CBR4: variants seen among roughly 807,000 people sequenced by gnomAD.
The protein encoded by CBR4 is 3-oxoacyl-[acyl-carrier-protein] reductase.
Under a neutral mutation model 21.0 loss-of-function variants are expected in CBR4, and 22 were observed. The ratio of observed to expected loss-of-function variants is 1.05; its 90% CI spans 0.75 to 1.50. The LOEUF (loss-of-function observed/expected upper bound fraction) is 1.50, where lower values mean the gene tolerates loss of function less well. Among genes scored for constraint, CBR4 ranks in the 40% most tolerant of loss-of-function variants. The pLI, the probability that CBR4 is intolerant of heterozygous loss-of-function variation, is 0.00. For synonymous variants in CBR4, 100 were observed against 104.4 expected, an observed-to-expected ratio of 0.96 and a Z score of 0.26; for missense variants, 302 against 286.3, an observed-to-expected ratio of 1.05 and a Z score of -0.40.
At chr4:169,005,139 A>C (rs1183738588) in intron 3 of CBR4, 1 of 152,222 alleles carries the variant, frequency 6.6e-6, no homozygotes, top group Non-Finnish European at 1.5e-5. Context: ...CACAGAGAGA[A>C]CAGACATCAG....
At chr4:168,910,676 T>C (rs936584377) in intron 2 of CBR4, among the ~76,000 whole-genome samples, 3 of 152,316 alleles carry the variant, frequency 2.0e-5, no homozygotes, top group Admixed American at 6.5e-5. Context: ...GTATTAACTA[T>C]ATGGCCTTGT....
chr4:168,990,408 T>C (rs1413551749), intron 4 of CBR4, 80 bp from the exon 5 acceptor site: 1 of 1,271,198 alleles, frequency 7.9e-7, no homozygotes, highest in Non-Finnish European at 1.0e-6. Context: ...AATAAATTTG[T>C]TTCTGAAAAT....
At chr4:168,898,657 C>A (rs925960395) in intron 2 of CBR4, 1 of 1,613,962 alleles carries the variant, frequency 6.2e-7, no homozygotes, top group Non-Finnish European at 8.5e-7. Flanking sequence ...ATTACAAGAT[C>A]TTTGAGGGAA....
At chr4:168,918,325 G>GAT (rs71588177) in intron 2 of CBR4, among the ~76,000 whole-genome samples, 23,202 of 149,462 alleles carry the variant, frequency 0.16, 1,887 homozygotes, top group Middle Eastern at 0.25. Context: ...GAAAATATGA[G>GAT]ATATATATAT....
downstream of CBR4, among the ~76,000 whole-genome samples, chr4:168,986,331 T>G (rs1764691231): frequency 6.6e-6 from 1 of 152,192 alleles, no homozygotes; most frequent in Non-Finnish European, 1.5e-5. Context: ...GAGGGCCAAC[T>G]GTACTCTAAC....
intron 2 of CBR4, among the ~76,000 whole-genome samples, chr4:168,919,841 A>C (rs1271223865): frequency 1.3e-5 from 2 of 152,124 alleles, no homozygotes; most frequent in Admixed American, 6.6e-5. Context: ...GGTGACCTTC[A>C]GCTCCTGAGA....
At chr4:168,992,775 A>C (rs1169923513) in intron 4 of CBR4, among the ~76,000 whole-genome samples, 1 of 152,160 alleles carries the variant, frequency 6.6e-6, no homozygotes, top group African/African-American at 2.4e-5. Flanking sequence ...CAACAGATAT[A>C]TATATTATTT....
intron 4 of CBR4, among the ~76,000 whole-genome samples, chr4:168,995,453 G>A (rs1765148442): frequency 6.6e-6 from 1 of 152,148 alleles, no homozygotes; most frequent in African/African-American, 2.4e-5. Context: ...AGACAGGCAA[G>A]GAGACCTAAG....
intron 2 of CBR4, among the ~76,000 whole-genome samples, chr4:168,922,102 T>TATACAC (rs1459158507): frequency 1.3e-4 from 17 of 132,602 alleles, no homozygotes; most frequent in South Asian, 2.4e-4. Flanking sequence ...TATATATATA[T>TATACAC]ACACACACAC....
chr4:168,927,808 A>G (rs574606094), intron 2 of CBR4: 3 of 215,746 alleles, frequency 1.4e-5, no homozygotes, highest in Non-Finnish European at 2.8e-5. Context: ...TAAATTTTAA[A>G]AAGGAGAAAA....
intron 2 of CBR4, among the ~76,000 whole-genome samples, chr4:168,971,738 T>A (rs1399184386): frequency 6.6e-6 from 1 of 152,184 alleles, no homozygotes; most frequent in Non-Finnish European, 1.5e-5. Context: ...TCTCCCACTC[T>A]GTGAGTTGTT....
At chr4:168,972,683 A>G (rs1167034374) in intron 2 of CBR4, among the ~76,000 whole-genome samples, 3 of 152,082 alleles carry the variant, frequency 2.0e-5, no homozygotes, top group Non-Finnish European at 4.4e-5. Context: ...TTTCCAAATG[A>G]GTCTTTAGGG....
At chr4:168,916,860 G>A (rs186427287) in intron 2 of CBR4, among the ~76,000 whole-genome samples, 2 of 151,330 alleles carry the variant, frequency 1.3e-5, no homozygotes, top group East Asian at 3.9e-4. Flanking sequence ...TAGTAGAGAT[G>A]GGGTTTCACC....
At chr4:168,973,233 T>G (rs1437637128) in intron 2 of CBR4, among the ~76,000 whole-genome samples, 1 of 152,206 alleles carries the variant, frequency 6.6e-6, no homozygotes, top group Non-Finnish European at 1.5e-5. Context: ...ATGTAGTTTT[T>G]TTGTTGTTTT....
chr4:169,005,797 C>A (rs965408439), intron 3 of CBR4: 1 of 942,266 alleles, frequency 1.1e-6, no homozygotes, highest in African/African-American at 1.7e-5. Flanking sequence ...GCATAGTATT[C>A]TTTCCTTTTC....
chr4:168,975,797 G>C (rs1764353091), intron 2 of CBR4, among the ~76,000 whole-genome samples: 1 of 152,114 alleles, frequency 6.6e-6, no homozygotes, highest in Non-Finnish European at 1.5e-5. Flanking sequence ...GTGGCTCCCA[G>C]GCCAATTAAG....
At chr4:168,939,344 C>A (rs1297031316) in intron 2 of CBR4, among the ~76,000 whole-genome samples, 1 of 152,118 alleles carries the variant, frequency 6.6e-6, no homozygotes, top group Non-Finnish European at 1.5e-5. Flanking sequence ...CAATATCATA[C>A]TGAACGGGAA....
chr4:168,905,915 T>C (rs1374496934), intron 2 of CBR4, among the ~76,000 whole-genome samples: 1 of 150,784 alleles, frequency 6.6e-6, no homozygotes, highest in Non-Finnish European at 1.5e-5. Flanking sequence ...TTCTTCTGCC[T>C]CAGCACCACC....
In CBR4 at chr4:168,924,178, T is replaced by C. The variant is rs565129255; in HGVS notation, n.170-29413A>G. ...TCATAAAAGATCTATTCAAGCAATA[T>C]TCCAAAAGCCTTCTGAATTCTTTCT... On this transcript the variant is annotated intron_variant and non_coding_transcript_variant, in intron 2 of 3. Coordinates refer to the CBR4 transcript ENST00000509108. 40 of 1,317,738 alleles carry C rather than the reference T, an allele frequency of 3.0e-5. No individual in the cohort carries two copies. The East Asian group carries it at 8.6e-4, about 28-fold the overall frequency. 81.6% of individuals were successfully genotyped at this position (1,317,738 alleles called of 1,614,324 possible). A position where few individuals can be genotyped will look rare whatever the true frequency, so the allele number is the denominator to read the frequency against.
Sources: allele counts gnomAD v4.1 joint callset (sites outside exome capture counted in the v4.1 genomes callset), GRCh38; gene constraint gnomAD v4.1.1; transcripts MANE v1.5; gene names NCBI Gene and HGNC (gene_info 2026-07-23, HGNC 2026-07-21).